PRKCQ: variants seen among roughly 807,000 people sequenced by gnomAD.
PRKCQ encodes the protein protein kinase C theta.
A neutral mutation model predicts 91.2 loss-of-function variants in PRKCQ; 41 were observed. The ratio of observed to expected loss-of-function variants is 0.45; its 90% CI spans 0.35 to 0.58. The LOEUF (loss-of-function observed/expected upper bound fraction) is 0.58, where lower values mean the gene tolerates loss of function less well. Ranked by LOEUF, PRKCQ falls within the 20% of genes least tolerant of loss-of-function variation. The pLI, the probability that PRKCQ is intolerant of heterozygous loss-of-function variation, is 0.00. For missense variants in PRKCQ, 673 were observed against 896.5 expected (o/e 0.75, Z 3.18); for synonymous variants, 307 against 316.9 (o/e 0.97, Z 0.33).
chr10:6,396,708 C>T, the PRKCQ span, among the ~76,000 whole-genome samples: 1 of 152,230 alleles, frequency 6.6e-6, no homozygotes, highest in Admixed American at 6.5e-5. Flanking sequence ...TTGGGTTGTT[C>T]ATACCTTTTG....
intron 3 of PRKCQ, among the ~76,000 whole-genome samples, chr10:6,508,050 C>T (rs1031209486): frequency 9.2e-5 from 14 of 152,014 alleles, no homozygotes; most frequent in African/African-American, 3.4e-4. Context: ...GGATGGTCCA[C>T]TAAAGAAAAT....
At chr10:6,559,135 T>A (rs1840529478) in intron 1 of PRKCQ, among the ~76,000 whole-genome samples, 1 of 152,224 alleles carries the variant, frequency 6.6e-6, no homozygotes, top group South Asian at 2.1e-4. Context: ...TTACGTATCC[T>A]CATTAGGAAC....
At chr10:6,399,407 G>A in the PRKCQ span, among the ~76,000 whole-genome samples, 25 of 152,338 alleles carry the variant, frequency 1.6e-4, no homozygotes, top group African/African-American at 6.0e-4. Context: ...CTAGCCTGGA[G>A]CTATTGCTGC....
intron 7 of PRKCQ, among the ~76,000 whole-genome samples, chr10:6,493,376 A>G (rs1837425191): frequency 6.6e-6 from 1 of 152,160 alleles, no homozygotes; most frequent in African/African-American, 2.4e-5. Flanking sequence ...AATTAATTTC[A>G]CCCATTGCTT....
In PRKCQ at chr10:6,546,883, C is replaced by T. The variant is rs534238481; in HGVS notation, c.-9-31739G>A. 3.9e-5 allele frequency among the ~76,000 whole-genome samples: 6 copies of T among 152,208 alleles called. No individual in the cohort carries two copies. The South Asian group carries it at 1.3e-3, about 32-fold the overall frequency. On this transcript the variant is annotated intron_variant, in intron 1 of 17. Transcript: ENST00000263125. ...GGCTGTGGGTCTGTCATAGATAGCT[C>T]TTATTATTTTGAGATACGTCCCATC...
intron 16 of PRKCQ, among the ~76,000 whole-genome samples, chr10:6,436,497 C>T (rs182262522): frequency 1.7e-4 from 26 of 152,262 alleles, no homozygotes; most frequent in Non-Finnish European, 2.8e-4. Context: ...GCAACCTCCA[C>T]GCCAAGCAAG....
At chr10:6,457,362 A>C (rs551066902) in intron 14 of PRKCQ, among the ~76,000 whole-genome samples, 53 of 152,304 alleles carry the variant, frequency 3.5e-4, no homozygotes, top group South Asian at 1.2e-3. Context: ...ATATTTTTTA[A>C]AAAACAATTA....
In PRKCQ at chr10:6,462,309, A is replaced by C; in HGVS notation, c.1502T>G (p.Val501Gly). 1 of 1,613,734 alleles carries C rather than the reference A, an allele frequency of 6.2e-7. No individual in the cohort carries two copies. The highest frequency in any genetic ancestry group is 8.5e-7 in the Non-Finnish European group (1 of 1,179,700). The change falls in exon 14 of 18, where the codon GTC (valine) becomes GGC (glycine). Residue 501 changes from valine (V) to glycine (G), a missense_variant. Transcript: ENST00000263125. ...TCCACAAAGCAAAATTTACCTGTAG[A>C]CTATTCCTTTGGAATGAAGGAACTG... ...GLQFLHSKGI[V>G]YRDLKLDNIL... is the part of the protein sequence containing the mutation.
chr10:6,435,609 A>C (rs555426928), intron 16 of PRKCQ, among the ~76,000 whole-genome samples: 9 of 152,248 alleles, frequency 5.9e-5, no homozygotes, highest in Admixed American at 6.5e-5. Flanking sequence ...TTTGAACAGC[A>C]GTGTCCAATC....
In PRKCQ at chr10:6,510,858, A is replaced by G. The variant is rs184714511; in HGVS notation, c.318+137T>C. On this transcript the variant is annotated intron_variant, in intron 3 of 17. Coordinates refer to ENST00000263125, the MANE Select transcript of PRKCQ (RefSeq NM_006257.5). The stretch of plus-strand genomic sequence containing the variant: ...GAATAACCATCGCCATTATCAAATC[A>G]CCAGTAGGAAGTGGTAGGGAGCCTG... The G allele has an allele frequency of 1.4e-5, 12 of 851,802 alleles. No homozygotes were observed. The East Asian group carries it at 2.8e-4, about 20-fold the overall frequency. 52.8% of individuals were successfully genotyped at this position (851,802 alleles called of 1,614,324 possible). A position where few individuals can be genotyped will look rare whatever the true frequency, so the allele number is the denominator to read the frequency against.
intron 11 of PRKCQ, among the ~76,000 whole-genome samples, chr10:6,479,766 C>CCAAAAAA (rs1712586253): frequency 3.1e-5 from 1 of 32,086 alleles, no homozygotes; most frequent in African/African-American, 1.4e-4. Flanking sequence ...CCCGTCTCGA[C>CCAAAAAA]TAAAAAAAAA....
intron 15 of PRKCQ, among the ~76,000 whole-genome samples, chr10:6,444,237 A>G (rs1246300888): frequency 1.3e-5 from 2 of 151,960 alleles, no homozygotes; most frequent in African/African-American, 4.8e-5. Flanking sequence ...TGCCCAGATA[A>G]TTTTTGTATT....
chr10:6,558,573 T>A (rs1443905895), intron 1 of PRKCQ, among the ~76,000 whole-genome samples: 2 of 152,078 alleles, frequency 1.3e-5, no homozygotes, highest in Admixed American at 6.5e-5. Context: ...ACATCATGGG[T>A]GTAACATGAA....
intron 1 of PRKCQ, among the ~76,000 whole-genome samples, chr10:6,517,341 G>GT (rs35648620): frequency 6.7e-6 from 1 of 149,228 alleles, no homozygotes; most frequent in African/African-American, 2.4e-5. Flanking sequence ...CAAGTTTTGT[G>GT]TTTTTTTTTT....
In PRKCQ at chr10:6,510,990, G is replaced by A. The variant is rs371991797; in HGVS notation, c.318+5C>T. 7.4e-6 allele frequency: 12 copies of A among 1,614,028 alleles called. No individual in the cohort carries two copies. Among genetic ancestry groups the A allele is most frequent in the South Asian group, 3.3e-5 (3 of 91,082 alleles). On this transcript the variant is annotated splice_donor_5th_base_variant and intron_variant, in intron 3 of 17. Transcript: ENST00000263125. Reference sequence around the variant, plus strand: ...CTTATGTGCATACACTTTATGCAACGTTACCCATATTTCTGTCTTCCCGTT... The same window carrying A: ...CTTATGTGCATACACTTTATGCAACATTACCCATATTTCTGTCTTCCCGTT...
chr10:6,479,032 T>C lies in PRKCQ; in HGVS notation c.1313A>G (p.His438Arg). The C allele has an allele frequency of 6.2e-7, 1 of 1,614,196 alleles. No homozygotes were observed. ...ACAAAACATGTGCGTCAGAAACGGA[T>C]GCTCCCAGGCCAAGGAAAGAACTCT... ...EKRVLSLAWE[H>R]PFLTHMFCTF... The change falls in exon 12 of 18, where the codon CAT becomes CGT. Residue 438 changes from histidine to arginine, a missense_variant. Transcript: ENST00000263125.
chr10:6,568,208 C>CT (rs1425977097), intron 1 of PRKCQ, among the ~76,000 whole-genome samples: 1 of 151,876 alleles, frequency 6.6e-6, no homozygotes, highest in African/African-American at 2.4e-5. Context: ...GAGCGAGACT[C>CT]TTGTCTCCAA....
chr10:6,463,523 G>A (rs1353486034), intron 13 of PRKCQ, among the ~76,000 whole-genome samples: 2 of 152,202 alleles, frequency 1.3e-5, no homozygotes, highest in Non-Finnish European at 2.9e-5. Context: ...TCTCAGCAGA[G>A]TGCTACCCAC....
At chr10:6,555,096 A>C (rs1264641380) in intron 1 of PRKCQ, among the ~76,000 whole-genome samples, 1 of 151,520 alleles carries the variant, frequency 6.6e-6, no homozygotes, top group African/African-American at 2.4e-5. Context: ...ATGGACATAA[A>C]GATGGCAACG....
Sources: allele counts gnomAD v4.1 joint callset (sites outside exome capture counted in the v4.1 genomes callset), GRCh38; gene constraint gnomAD v4.1.1; transcripts MANE v1.5; gene names NCBI Gene and HGNC (gene_info 2026-07-23, HGNC 2026-07-21).